SMURF2: variants seen among roughly 807,000 people sequenced by gnomAD.
The protein encoded by SMURF2 is E3 ubiquitin-protein ligase SMURF2.
SMURF2 carries 48 observed loss-of-function variants against 109.6 expected under a neutral mutation model. The observed-to-expected ratio is 0.44, with a 90% CI of 0.35 to 0.56. SMURF2 has a LOEUF of 0.56. SMURF2 is among the 20% of genes least tolerant of loss of function. The pLI is 0.01. For synonymous variants in SMURF2, 288 were observed against 317.1 expected, an observed-to-expected ratio of 0.91 and a Z score of 0.97; for missense variants, 575 against 909.0, an observed-to-expected ratio of 0.63 and a Z score of 4.72.
At chr17:64,625,722 T>C (rs1970258400) in intron 1 of SMURF2, among the ~76,000 whole-genome samples, 1 of 152,146 alleles carries the variant, frequency 6.6e-6, no homozygotes, top group Non-Finnish European at 1.5e-5. Context: ...CCTAATTCAG[T>C]AGGTCTATAT....
intron 16 of SMURF2, among the ~76,000 whole-genome samples, chr17:64,549,109 C>T (rs1027489292): frequency 2.0e-5 from 3 of 151,794 alleles, no homozygotes; most frequent in African/African-American, 7.2e-5. Flanking sequence ...CATGGCGAAA[C>T]CCTGTATCTA....
chr17:64,620,645 G>T (rs565771012), intron 1 of SMURF2, among the ~76,000 whole-genome samples: 234 of 152,114 alleles, frequency 1.5e-3, no homozygotes, highest in African/African-American at 5.5e-3. Context: ...GTCTGATTTT[G>T]ATCTCTTCCT....
At position 64,662,248 on chromosome 17, in the gene SMURF2, G is replaced by C. The variant is rs1460861840; in HGVS notation, c.-368C>G. 7.1e-6 allele frequency: 7 copies of C among 983,320 alleles called. No homozygotes were observed. Among genetic ancestry groups the C allele is most frequent in the Non-Finnish European group, 8.4e-6 (7 of 829,176 alleles). 60.9% of individuals were successfully genotyped at this position (983,320 alleles called of 1,614,324 possible). On this transcript the variant is annotated 5_prime_UTR_variant, in exon 1 of 19. Transcript: ENST00000262435. ...TGGTCGGCTGAAGCGGGCGGTGCTCGGGGGCGCCGGAGCAGAACTCTGGGC... is the reference window on the plus strand; with the variant it reads ...TGGTCGGCTGAAGCGGGCGGTGCTCCGGGGCGCCGGAGCAGAACTCTGGGC...
chr17:64,568,368 C>T (rs1038984960), intron 10 of SMURF2, among the ~76,000 whole-genome samples: 18 of 152,034 alleles, frequency 1.2e-4, no homozygotes, highest in African/African-American at 3.6e-4. Context: ...GCCTAAGGGC[C>T]GTGAGTTGGA....
chr17:64,598,589 T>C, intron 2 of SMURF2, 99 bp from the exon 3 acceptor site: 1 of 977,336 alleles, frequency 1.0e-6, no homozygotes, highest in Non-Finnish European at 1.4e-6. Flanking sequence ...TTCCATTCTT[T>C]TAAAAAAGTT....
intron 1 of SMURF2, among the ~76,000 whole-genome samples, chr17:64,636,866 CTA>C (rs1555692144): frequency 6.6e-6 from 1 of 151,080 alleles, no homozygotes; most frequent in Non-Finnish European, 1.5e-5. Context: ...TTCTCTCATT[CTA>C]TGAGTTATCT....
At chr17:64,658,529 T>A (rs1970733796) in intron 1 of SMURF2, among the ~76,000 whole-genome samples, 1 of 152,186 alleles carries the variant, frequency 6.6e-6, no homozygotes, top group Non-Finnish European at 1.5e-5. Flanking sequence ...ATAGACAAGG[T>A]TAACCTCCTT....
chr17:64,637,923 C>CAAAAAA lies in SMURF2; in HGVS notation c.52+23900_52+23905dup, dbSNP rs59701513. ...CATTGAATGGTTTTGGCGCCCTAGT[C>CAAAAAA]AAAAAAAAAAAAAAAAAAAATCAAC... On this transcript the variant is annotated intron_variant, in intron 1 of 18. Transcript: ENST00000262435. 2.5e-3 allele frequency among the ~76,000 whole-genome samples: 182 copies of CAAAAAA among 72,544 alleles called. 10 individuals are homozygous for CAAAAAA. Among genetic ancestry groups the CAAAAAA allele is most frequent in the African/African-American group, 6.4e-3 (156 of 24,312 alleles). The allele number at this position is 72,544 out of a possible 152,430, so 47.6% of individuals were successfully genotyped here. A position where few individuals can be genotyped will look rare whatever the true frequency, so the allele number is the denominator to read the frequency against.
chr17:64,610,907 A>G (rs1970034936), intron 1 of SMURF2, among the ~76,000 whole-genome samples: 1 of 152,172 alleles, frequency 6.6e-6, no homozygotes, highest in African/African-American at 2.4e-5. Context: ...TACCAAGTCC[A>G]TACAATGGAC....
intron 11 of SMURF2, among the ~76,000 whole-genome samples, 185 bp from the exon 12 acceptor site, chr17:64,561,788 G>A (rs1411274689): frequency 1.3e-5 from 2 of 151,644 alleles, no homozygotes; most frequent in African/African-American, 4.8e-5. Context: ...CCTGAGGCCA[G>A]GAATTCTAGA....
intron 1 of SMURF2, among the ~76,000 whole-genome samples, chr17:64,636,614 A>G (rs1310251744): frequency 1.3e-5 from 2 of 149,284 alleles, no homozygotes; most frequent in Non-Finnish European, 1.5e-5. Flanking sequence ...AAAAAAAAAA[A>G]AAAAAAAAAA....
In SMURF2 at chr17:64,602,339, T is replaced by TA. The variant is rs553941435; in HGVS notation, c.92-3850dup. On this transcript the variant is annotated intron_variant, in intron 2 of 18. Transcript: ENST00000262435. The stretch of plus-strand genomic sequence containing the variant: ...AACTTATTGAAATAAAAAAATAAAA[T>TA]AATAAAAGAAAAACAATTTTTTCCA... Among the ~76,000 whole-genome samples the TA allele has an allele frequency of 2.3e-3, 349 of 152,032 alleles. 1 individual carries two copies. The highest frequency in any genetic ancestry group is 3.3e-3 in the Non-Finnish European group (222 of 67,968).
chr17:64,636,414 C>T (rs1555692084), intron 1 of SMURF2, among the ~76,000 whole-genome samples: 1 of 151,916 alleles, frequency 6.6e-6, no homozygotes, highest in African/African-American at 2.4e-5. Flanking sequence ...ACCAGCCTGG[C>T]CAACATGGCA....
intron 12 of SMURF2, among the ~76,000 whole-genome samples, chr17:64,560,124 A>T (rs1555684404): frequency 6.6e-6 from 1 of 151,700 alleles, no homozygotes; most frequent in African/African-American, 2.4e-5. Context: ...CTGAGGCAGG[A>T]GGATCACTTG....
At chr17:64,616,813 A>C (rs899405605) in intron 1 of SMURF2, among the ~76,000 whole-genome samples, 2 of 151,982 alleles carry the variant, frequency 1.3e-5, no homozygotes, top group African/African-American at 2.4e-5. Context: ...TCATGCCTGT[A>C]ATCCCAACAG....
chr17:64,557,731 C>A lies in SMURF2; in HGVS notation c.1317-9G>T, dbSNP rs782317422. Reference sequence around the variant, plus strand: ...AGAGATACAACCATTCCCTAGAAAACAAGATATGACCAAGGAATTTTTTTG... The same window carrying A: ...AGAGATACAACCATTCCCTAGAAAAAAAGATATGACCAAGGAATTTTTTTG... On this transcript the variant is annotated splice_polypyrimidine_tract_variant and intron_variant, in intron 12 of 18. Coordinates refer to ENST00000262435, the MANE Select transcript of SMURF2 (RefSeq NM_022739.4). The A allele has an allele frequency of 1.3e-6, 2 of 1,536,128 alleles. No homozygotes were observed. The highest frequency in any genetic ancestry group is 1.8e-6 in the Non-Finnish European group (2 of 1,118,776).
intron 1 of SMURF2, among the ~76,000 whole-genome samples, chr17:64,617,063 T>A (rs1356302602): frequency 1.0e-5 from 1 of 99,354 alleles, no homozygotes; most frequent in Admixed American, 1.1e-4. Context: ...TGAGACCTTG[T>A]CTAAAAAAAA....
intron 13 of SMURF2, among the ~76,000 whole-genome samples, chr17:64,556,457 G>A (rs782397261): frequency 2.0e-5 from 3 of 152,116 alleles, no homozygotes; most frequent in African/African-American, 4.8e-5. Flanking sequence ...TTAGAATCAC[G>A]ATTCTGCCAG....
At position 64,607,216 on chromosome 17, in the gene SMURF2, A is replaced by G. The variant is rs374489073; in HGVS notation, c.53-576T>C. 6.6e-5 allele frequency among the ~76,000 whole-genome samples: 10 copies of G among 152,274 alleles called. No homozygotes were observed. The East Asian group carries it at 1.9e-3, about 29-fold the overall frequency. ...TCTTTTAAGAATTTAAAGTTAATAT[A>G]TTAAAACTAGATATCCCAAATCCAC... On this transcript the variant is annotated intron_variant, in intron 1 of 18. Coordinates refer to ENST00000262435, the MANE Select transcript of SMURF2 (RefSeq NM_022739.4).
Sources: allele counts gnomAD v4.1 joint callset (sites outside exome capture counted in the v4.1 genomes callset), GRCh38; gene constraint gnomAD v4.1.1; transcripts MANE v1.5; gene names NCBI Gene and HGNC (gene_info 2026-07-23, HGNC 2026-07-21).